The following GABRB1 variants were observed in gnomAD, a reference collection of about 807,000 sequenced individuals.
GABRB1 encodes gamma-aminobutyric acid receptor subunit beta-1.
GABRB1 carries 17 observed loss-of-function variants against 51.6 expected under a neutral mutation model. The observed-to-expected ratio is 0.33, with a 90% confidence interval of 0.23 to 0.49. The LOEUF is 0.49. GABRB1 is among the 20% of genes least tolerant of loss of function. The probability of loss-of-function intolerance (pLI) is 0.99; values close to 1 mark genes in which losing one functional copy is unlikely to be tolerated. For missense variants in GABRB1, 410 were observed against 600.6 expected, an observed-to-expected ratio of 0.68 and a Z score of 3.32; for synonymous variants, 247 against 218.9, an observed-to-expected ratio of 1.13 and a Z score of -1.14.
chr4:47,384,756 G>A lies in GABRB1; in HGVS notation c.545-18562G>A, dbSNP rs1727729167. On this transcript the variant is annotated intron_variant, in intron 5 of 8. Coordinates refer to ENST00000295454, the MANE Select transcript of GABRB1 (RefSeq NM_000812.4). The stretch of plus-strand genomic sequence containing the variant: ...TGTCCATGATCTTATTATCCTTAAA[G>A]GTAGTTTACACTTCAGAAAATAAAG... 3.9e-5 allele frequency among the ~76,000 whole-genome samples: 6 copies of A among 152,202 alleles called. 1 individual carries two copies. In the South Asian group the frequency reaches 1.2e-3, roughly 32 times the overall value.
chr4:47,204,695 G>T (rs1327695580), intron 4 of GABRB1, among the ~76,000 whole-genome samples: 1 of 152,092 alleles, frequency 6.6e-6, no homozygotes, highest in East Asian at 1.9e-4. Flanking sequence ...CTTACAAAAT[G>T]GGAGTTTGCC....
At chr4:47,205,072 A>G (rs909005079) in intron 4 of GABRB1, among the ~76,000 whole-genome samples, 13 of 152,164 alleles carry the variant, frequency 8.5e-5, no homozygotes, top group Non-Finnish European at 1.5e-4. Context: ...GTGTACATGT[A>G]TAGAGTCACA....
At chr4:47,296,973 C>T (rs559908568) in intron 4 of GABRB1, among the ~76,000 whole-genome samples, 1 of 152,240 alleles carries the variant, frequency 6.6e-6, no homozygotes, top group South Asian at 2.1e-4. Context: ...AACCACTCAG[C>T]TACATGGAAA....
intron 4 of GABRB1, among the ~76,000 whole-genome samples, chr4:47,189,127 AG>A (rs973809307): frequency 3.3e-5 from 5 of 151,970 alleles, no homozygotes; most frequent in Non-Finnish European, 7.4e-5. Flanking sequence ...TTTTTGAAGA[AG>A]GTGACATTTG....
At chr4:47,364,108 A>G (rs1462659543) in intron 5 of GABRB1, among the ~76,000 whole-genome samples, 1 of 152,248 alleles carries the variant, frequency 6.6e-6, no homozygotes, top group Non-Finnish European at 1.5e-5. Context: ...TCAGAGACAC[A>G]ATATAACAGC....
At chr4:47,298,016 A>T (rs1724079903) in intron 4 of GABRB1, among the ~76,000 whole-genome samples, 5 of 152,234 alleles carry the variant, frequency 3.3e-5, no homozygotes, top group Admixed American at 3.3e-4. Context: ...TAGATGCAGA[A>T]AAGGCCTTTG....
chr4:47,277,882 CTA>C (rs1336969055), intron 4 of GABRB1, among the ~76,000 whole-genome samples: 2 of 151,860 alleles, frequency 1.3e-5, no homozygotes, highest in Non-Finnish European at 2.9e-5. Flanking sequence ...ATTTTGTTAA[CTA>C]TATTTTAATA....
At chr4:47,047,342 C>T (rs911579276) in intron 3 of GABRB1, among the ~76,000 whole-genome samples, 1 of 151,966 alleles carries the variant, frequency 6.6e-6, no homozygotes, top group Non-Finnish European at 1.5e-5. Flanking sequence ...CTATTCTAAC[C>T]ACTTTATGAA....
chr4:47,320,280 G>C lies in GABRB1; in HGVS notation c.544+71G>C, dbSNP rs1285132874. On this transcript the variant is annotated intron_variant, in intron 5 of 8. Coordinates refer to ENST00000295454, the MANE Select transcript of GABRB1 (RefSeq NM_000812.4). Reference sequence around the variant, plus strand: ...ACCCAGTTGAATTCAACTTCTCACTGAGTTAATTAGCACCAGGATTTTCTA... The same window carrying C: ...ACCCAGTTGAATTCAACTTCTCACTCAGTTAATTAGCACCAGGATTTTCTA... 1.2e-4 allele frequency: 116 copies of C among 960,038 alleles called. 1 individual carries two copies. Among genetic ancestry groups the C allele is most frequent in the Non-Finnish European group, 2.0e-4 (116 of 590,350 alleles). The allele number at this position is 960,038 out of a possible 1,614,324, so 59.5% of individuals were successfully genotyped here. A position where few individuals can be genotyped will look rare whatever the true frequency, so the allele number is the denominator to read the frequency against.
At chr4:47,296,500 A>C (rs1476734680) in intron 4 of GABRB1, among the ~76,000 whole-genome samples, 1 of 152,192 alleles carries the variant, frequency 6.6e-6, no homozygotes, top group East Asian at 1.9e-4. Context: ...CAAAGATCAA[A>C]AGAGACAAAG....
chr4:47,297,780 T>C (rs1338216790), intron 4 of GABRB1, among the ~76,000 whole-genome samples: 4 of 152,120 alleles, frequency 2.6e-5, no homozygotes, highest in East Asian at 1.9e-4. Context: ...CATCCTGATA[T>C]CAAAGCCGGG....
chr4:47,039,104 A>G (rs1725719593), intron 3 of GABRB1, among the ~76,000 whole-genome samples: 1 of 151,964 alleles, frequency 6.6e-6, no homozygotes, highest in Admixed American at 6.6e-5. Flanking sequence ...CGATTAATTC[A>G]TATCAGTGGT....
chr4:47,415,492 C>T lies in GABRB1; in HGVS notation c.1080+8566C>T, dbSNP rs537624060. Among the ~76,000 whole-genome samples the T allele has an allele frequency of 7.9e-5, 12 of 152,206 alleles. No homozygotes were observed. In the South Asian group the frequency reaches 8.3e-4, roughly 11 times the overall value. ...ATTTAAAAAAGGCCTAGGATTGAGT[C>T]TTTTTGGATAAACTTGTCATATTTT... On this transcript the variant is annotated intron_variant, in intron 8 of 8. Coordinates refer to ENST00000295454, the MANE Select transcript of GABRB1 (RefSeq NM_000812.4).
rs16860101 is a variant in GABRB1, at chr4:47,276,470, G to C, written c.462-43657G>C. On this transcript the variant is annotated intron_variant, in intron 4 of 8. Transcript: ENST00000295454. ...ACCTTGAAGCCTCTCCATCTGTCCC[G>C]AGAAATAGTTCCTGAAATGACCCTG... is the stretch of plus-strand genomic sequence containing the variant. Among the ~76,000 whole-genome samples the C allele has an allele frequency of 8.1e-3, 1,232 of 152,098 alleles. 9 individuals carry two copies. The highest frequency in any genetic ancestry group is 0.028 in the African/African-American group (1,169 of 41,490).
intron 7 of GABRB1, 40 bp from the exon 8 acceptor site, chr4:47,406,642 A>G: frequency 6.2e-7 from 1 of 1,612,098 alleles, no homozygotes; most frequent in Non-Finnish European, 8.5e-7. Context: ...GGAACTTAAT[A>G]GTGGCACCTT....
intron 1 of GABRB1, 33 bp from the exon 2 acceptor site, chr4:47,031,881 A>G: frequency 1.3e-6 from 2 of 1,596,718 alleles, no homozygotes; most frequent in Non-Finnish European, 1.7e-6. Context: ...GTTTGTGCTC[A>G]TTTTGAATAC....
chr4:47,382,540 C>G (rs1159108416), intron 5 of GABRB1, among the ~76,000 whole-genome samples: 1 of 152,192 alleles, frequency 6.6e-6, no homozygotes. Context: ...TCCTGTAAGT[C>G]AGGTAGCACA....
At chr4:47,013,797 A>G (rs1470381856) in intron 1 of GABRB1, among the ~76,000 whole-genome samples, 3 of 152,190 alleles carry the variant, frequency 2.0e-5, no homozygotes, top group African/African-American at 4.8e-5. Context: ...TAAACTTCCA[A>G]TAGTGTCTTG....
intron 3 of GABRB1, among the ~76,000 whole-genome samples, chr4:47,074,132 C>T (rs1354351399): frequency 6.6e-6 from 1 of 152,050 alleles, no homozygotes; most frequent in African/African-American, 2.4e-5. Context: ...GGTATCTTAA[C>T]CAATGTTTTT....
Sources: allele counts gnomAD v4.1 joint callset (sites outside exome capture counted in the v4.1 genomes callset), GRCh38; gene constraint gnomAD v4.1.1; transcripts MANE v1.5; gene names NCBI Gene and HGNC (gene_info 2026-07-23, HGNC 2026-07-21).